The following PRKN variants were observed in gnomAD, a reference collection of about 807,000 sequenced individuals.
PRKN encodes the protein E3 ubiquitin-protein ligase parkin.
Under a neutral mutation model 59.5 loss-of-function variants are expected in PRKN, and 56 were observed. The observed-to-expected ratio is 0.94, with a 90% CI of 0.76 to 1.18. The LOEUF (loss-of-function observed/expected upper bound fraction) is 1.18. PRKN is among the 50% of genes most tolerant of loss of function. The probability of loss-of-function intolerance (pLI) is 0.00; values close to 1 mark genes in which losing one functional copy is unlikely to be tolerated. For missense variants in PRKN, 657 were observed against 596.4 expected, an observed-to-expected ratio of 1.10 and a Z score of -1.06; for synonymous variants, 250 against 222.1, an observed-to-expected ratio of 1.13 and a Z score of -1.12.
chr6:161,377,349 T>C lies in PRKN; in HGVS notation c.1167+9445A>G, dbSNP rs1702107057. 6.6e-6 allele frequency among the ~76,000 whole-genome samples: 1 copy of C among 152,216 alleles called. No homozygotes were observed. Among genetic ancestry groups the C allele is most frequent in the African/African-American group, 2.4e-5 (1 of 41,458 alleles). Reference sequence around the variant, plus strand: ...AGCAGGTCCTCAGACCCCCGTGCCATCCACACCGTGGCATGACTGCCTCTC... The same window carrying C: ...AGCAGGTCCTCAGACCCCCGTGCCACCCACACCGTGGCATGACTGCCTCTC... On this transcript the variant is annotated intron_variant, in intron 10 of 11. Transcript: ENST00000366898. This position sits in a 1 kb window ranked among gnomAD's most constrained non-coding sequence, Gnocchi z 4.2.
At chr6:162,013,553 T>C (rs1782818030) in intron 5 of PRKN, among the ~76,000 whole-genome samples, 1 of 152,172 alleles carries the variant, frequency 6.6e-6, no homozygotes, top group Admixed American at 6.5e-5. Flanking sequence ...AGGAAATGTG[T>C]GTGTTATACA....
At chr6:161,426,108 T>C (rs1189151965) in intron 9 of PRKN, among the ~76,000 whole-genome samples, 1 of 151,646 alleles carries the variant, frequency 6.6e-6, no homozygotes, top group Non-Finnish European at 1.5e-5. Context: ...TGTGATGGGG[T>C]GACAAATTTA....
rs1786791368 is a variant in PRKN, at chr6:161,396,994, T to C, written c.1084-10117A>G. ...CTTTATTGTATGTTGAGCAGTCTCA[T>C]AGGTGCCCTGCAGGTATACCTGTTC... On this transcript the variant is annotated intron_variant, in intron 9 of 11. Transcript: ENST00000366898. The surrounding 1 kb of genome is among the most constrained non-coding windows in gnomAD (Gnocchi z 5.4). Among the ~76,000 whole-genome samples, 1 of 152,220 alleles carries C rather than the reference T, an allele frequency of 6.6e-6. No individual in the cohort carries two copies. Among genetic ancestry groups the C allele is most frequent in the Admixed American group, 6.5e-5 (1 of 15,288 alleles).
chr6:162,498,433 C>CT (rs1414106751), intron 1 of PRKN, among the ~76,000 whole-genome samples: 6 of 16,376 alleles, frequency 3.7e-4, no homozygotes, highest in Non-Finnish European at 6.6e-4. Flanking sequence ...AGTTTCTTTC[C>CT]TTTTTCTTTT....
intron 9 of PRKN, among the ~76,000 whole-genome samples, chr6:161,418,722 C>G (rs901586479): frequency 6.6e-6 from 1 of 152,196 alleles, no homozygotes; most frequent in East Asian, 1.9e-4. Context: ...GTCTCCAAAT[C>G]AAAGCTGAAG....
At chr6:162,494,537 T>C (rs2128185947) in intron 1 of PRKN, among the ~76,000 whole-genome samples, 1 of 152,306 alleles carries the variant, frequency 6.6e-6, no homozygotes, top group South Asian at 2.1e-4. Context: ...TAAACACTGC[T>C]TGATCAGCCC....
chr6:162,637,464 A>G (rs1777770594), intron 1 of PRKN, among the ~76,000 whole-genome samples: 1 of 152,158 alleles, frequency 6.6e-6, no homozygotes, highest in South Asian at 2.1e-4. Flanking sequence ...AAAGTCTTAC[A>G]TGAGAAACCC....
At chr6:162,723,137 A>C (rs1211297577) in intron 1 of PRKN, among the ~76,000 whole-genome samples, 1 of 152,140 alleles carries the variant, frequency 6.6e-6, no homozygotes, top group East Asian at 1.9e-4. Flanking sequence ...TGAAGTCGGA[A>C]TATACATTCC....
intron 1 of PRKN, among the ~76,000 whole-genome samples, chr6:162,504,922 C>T (rs966469572): frequency 6.6e-6 from 1 of 152,118 alleles, no homozygotes; most frequent in African/African-American, 2.4e-5. Context: ...CCTGAAGAAC[C>T]ACTGGCCGTA....
rs1356131869 is a variant in PRKN, at chr6:161,442,218, A to G, written c.1084-55341T>C. On this transcript the variant is annotated intron_variant, in intron 9 of 11. Transcript: ENST00000366898. The surrounding 1 kb of genome is among the most constrained non-coding windows in gnomAD (Gnocchi z 4.6). The stretch of plus-strand genomic sequence containing the variant: ...TTTTAATCATCTTTAAGTAAACTTC[A>G]ATTTCTCTGAAATTGAAGGAGAATT... Among the ~76,000 whole-genome samples the G allele has an allele frequency of 6.6e-6, 1 of 152,198 alleles. No homozygotes were observed. Among genetic ancestry groups the G allele is most frequent in the African/African-American group, 2.4e-5 (1 of 41,462 alleles).
intron 6 of PRKN, among the ~76,000 whole-genome samples, chr6:161,845,106 C>T (rs62436138): frequency 0.06 from 9,161 of 152,250 alleles, 274 homozygotes; most frequent in African/African-American, 0.069. Flanking sequence ...ACCTACTTCT[C>T]TCTGACTGAA....
intron 5 of PRKN, among the ~76,000 whole-genome samples, chr6:162,015,807 A>T (rs1017305786): frequency 3.3e-5 from 5 of 152,194 alleles, no homozygotes; most frequent in Admixed American, 3.3e-4. Flanking sequence ...TATATGTTAC[A>T]ATCAATATAT....
At chr6:162,042,804 T>A (rs1784115381) in intron 5 of PRKN, among the ~76,000 whole-genome samples, 1 of 152,218 alleles carries the variant, frequency 6.6e-6, no homozygotes, top group Non-Finnish European at 1.5e-5. Context: ...TAATGGCACT[T>A]ATAATTCTTG....
chr6:162,650,379 C>T (rs1778373425), intron 1 of PRKN, among the ~76,000 whole-genome samples: 1 of 151,826 alleles, frequency 6.6e-6, no homozygotes, highest in African/African-American at 2.4e-5. Context: ...GGGCGGATCA[C>T]GAGGTCAGGA....
Position 161,684,117 on chromosome 6 carries a change from G to T in PRKN, c.871+101655C>A, listed in dbSNP as rs1368947152. On this transcript the variant is annotated intron_variant, in intron 7 of 11. Coordinates refer to ENST00000366898, the MANE Select transcript of PRKN (RefSeq NM_004562.3). Reference sequence around the variant, plus strand: ...GTTTCTCATTTTAAAGAAATAAGATGTCAGATGAAAGATGTTGGACAGTTA... The same window carrying T: ...GTTTCTCATTTTAAAGAAATAAGATTTCAGATGAAAGATGTTGGACAGTTA... 2.0e-5 allele frequency among the ~76,000 whole-genome samples: 3 copies of T among 152,246 alleles called. No homozygotes were observed. The East Asian group carries it at 5.8e-4, about 29-fold the overall frequency.
At chr6:162,191,878 G>A (rs1327303688) in intron 4 of PRKN, among the ~76,000 whole-genome samples, 3 of 152,100 alleles carry the variant, frequency 2.0e-5, no homozygotes, top group Non-Finnish European at 2.9e-5. Context: ...AAACAGCCCC[G>A]TCAGTGTGTG....
At chr6:162,092,335 CAG>C (rs1233528834) in intron 4 of PRKN, among the ~76,000 whole-genome samples, 2 of 151,654 alleles carry the variant, frequency 1.3e-5, no homozygotes, top group African/African-American at 4.9e-5. Context: ...GCGTGGGTGA[CAG>C]AGTGAGTCTA....
chr6:161,596,129 C>A (rs114488589), intron 7 of PRKN, among the ~76,000 whole-genome samples: 3 of 152,102 alleles, frequency 2.0e-5, no homozygotes, highest in Admixed American at 6.5e-5. Flanking sequence ...CTATACCTAT[C>A]AGGGTTGAGG....
intron 4 of PRKN, among the ~76,000 whole-genome samples, chr6:162,067,168 T>C (rs1429653435): frequency 6.6e-6 from 1 of 152,214 alleles, no homozygotes; most frequent in African/African-American, 2.4e-5. Flanking sequence ...GTTCCTGTCA[T>C]CATGAAGTGC....
Sources: gnomAD v4.1 joint callset for allele counts (sites outside exome capture counted in the v4.1 genomes callset) on GRCh38, gnomAD v4.1.1 for gene constraint, Gnocchi (gnomAD v3.1) non-coding constraint, MANE v1.5 for transcripts, NCBI Gene and HGNC (gene_info 2026-07-23, HGNC 2026-07-21) for gene names.